The following PCDH9 variants were observed in gnomAD, a reference collection of about 807,000 sequenced individuals.
PCDH9 encodes the protein protocadherin 9.
Under a neutral mutation model 70.6 loss-of-function variants are expected in PCDH9, and 24 were observed. The observed-to-expected ratio is 0.34, with a 90% CI of 0.25 to 0.48. The LOEUF (loss-of-function observed/expected upper bound fraction) is 0.48, where lower values mean the gene tolerates loss of function less well. Ranked by LOEUF, PCDH9 falls within the 20% of genes least tolerant of loss-of-function variation. The pLI is 0.99. For synonymous variants in PCDH9, 562 were observed against 558.5 expected, an observed-to-expected ratio of 1.01 and a Z score of -0.09; for missense variants, 1,281 against 1,503.6, an observed-to-expected ratio of 0.85 and a Z score of 2.45.
intron 2 of PCDH9, among the ~76,000 whole-genome samples, chr13:67,084,642 T>C (rs1245659584): frequency 6.6e-6 from 1 of 151,822 alleles, no homozygotes; most frequent in Non-Finnish European, 1.5e-5. Context: ...CCAATATTAC[T>C]GCACCTGGTA....
At chr13:66,655,038 T>A (rs533960621) in intron 3 of PCDH9, among the ~76,000 whole-genome samples, 30 of 152,124 alleles carry the variant, frequency 2.0e-4, no homozygotes, top group African/African-American at 4.6e-4. Context: ...ATTTTTTTTT[T>A]AAATAATTAA....
chr13:66,771,765 A>G (rs2079811230), intron 3 of PCDH9, among the ~76,000 whole-genome samples: 1 of 152,232 alleles, frequency 6.6e-6, no homozygotes, highest in Non-Finnish European at 1.5e-5. Context: ...CTCAATTCTC[A>G]GTTTTCCAAT....
chr13:66,373,513 T>G (rs1453457014), intron 4 of PCDH9, among the ~76,000 whole-genome samples: 1 of 151,918 alleles, frequency 6.6e-6, no homozygotes, highest in African/African-American at 2.4e-5. Context: ...TTATTGCAAC[T>G]AAATTTTTTA....
chr13:66,364,947 A>G (rs892939016), intron 4 of PCDH9, among the ~76,000 whole-genome samples: 1 of 152,174 alleles, frequency 6.6e-6, no homozygotes, highest in African/African-American at 2.4e-5. Context: ...CTCAGAAGGT[A>G]TTTCTTACAA....
intron 4 of PCDH9, among the ~76,000 whole-genome samples, chr13:66,356,251 T>G (rs910572874): frequency 1.3e-5 from 2 of 152,160 alleles, no homozygotes; most frequent in African/African-American, 4.8e-5. Context: ...TAAAATGGAA[T>G]GCCAATTAAG....
At chr13:66,361,603 T>C (rs1252520398) in intron 4 of PCDH9, among the ~76,000 whole-genome samples, 2 of 152,032 alleles carry the variant, frequency 1.3e-5, no homozygotes, top group African/African-American at 2.4e-5. Context: ...GAAATTGAGC[T>C]CCTGAAATAA....
intron 2 of PCDH9, among the ~76,000 whole-genome samples, chr13:67,141,894 G>A (rs2087401169): frequency 6.6e-6 from 1 of 151,992 alleles, no homozygotes. Flanking sequence ...CATCCATTCT[G>A]CATCAATAAC....
chr13:66,401,972 C>T (rs756516201), intron 4 of PCDH9, among the ~76,000 whole-genome samples: 5 of 152,150 alleles, frequency 3.3e-5, no homozygotes, highest in Non-Finnish European at 4.4e-5. Flanking sequence ...GTCTTTGTTC[C>T]ACTTGATATT....
At position 66,849,439 on chromosome 13, in the gene PCDH9, T is replaced by A. The variant is rs192760480; in HGVS notation, c.3138+54065A>T. Among the ~76,000 whole-genome samples, 417 of 149,932 alleles carry A rather than the reference T, an allele frequency of 2.8e-3. 2 individuals carry two copies. The highest frequency in any genetic ancestry group is 9.5e-3 in the African/African-American group (387 of 40,664). On this transcript the variant is annotated intron_variant, in intron 3 of 4. Coordinates refer to ENST00000377865, the MANE Select transcript of PCDH9 (RefSeq NM_203487.3). ...ATATATATGAAAATATATGACTATATATGACTATATATGACAATATATGAC... is the reference window on the plus strand; with the variant it reads ...ATATATATGAAAATATATGACTATAAATGACTATATATGACAATATATGAC...
chr13:66,526,573 T>C (rs1960227707), intron 4 of PCDH9, among the ~76,000 whole-genome samples: 2 of 151,962 alleles, frequency 1.3e-5, no homozygotes, highest in South Asian at 4.2e-4. Flanking sequence ...CACAATTCCC[T>C]GTAGATCACA....
chr13:66,656,646 G>A (rs531885589), intron 3 of PCDH9, among the ~76,000 whole-genome samples: 2 of 152,016 alleles, frequency 1.3e-5, no homozygotes, highest in South Asian at 4.2e-4. Context: ...GGGGTGGGGG[G>A]GCGGTTAAAA....
intron 2 of PCDH9, chr13:67,209,954 T>A (rs1201804394): frequency 6.6e-6 from 1 of 152,082 alleles, no homozygotes; most frequent in Non-Finnish European, 1.5e-5. Flanking sequence ...ACCATTTGAT[T>A]AAATTTGCTT....
At chr13:66,434,559 T>A (rs1226881301) in intron 4 of PCDH9, among the ~76,000 whole-genome samples, 1 of 152,044 alleles carries the variant, frequency 6.6e-6, no homozygotes, top group East Asian at 1.9e-4. Flanking sequence ...TAATGGATGA[T>A]CAATGCTTGT....
intron 4 of PCDH9, among the ~76,000 whole-genome samples, chr13:66,601,181 T>C (rs1020229122): frequency 6.9e-6 from 1 of 145,978 alleles, no homozygotes; most frequent in Non-Finnish European, 1.5e-5. Flanking sequence ...CTAGATCTAA[T>C]AACATCTAGA....
At chr13:67,190,232 T>C (rs1441038040) in intron 2 of PCDH9, among the ~76,000 whole-genome samples, 1 of 152,002 alleles carries the variant, frequency 6.6e-6, no homozygotes, top group Non-Finnish European at 1.5e-5. Flanking sequence ...GTTCATCTTA[T>C]TATACTATGG....
intron 4 of PCDH9, among the ~76,000 whole-genome samples, chr13:66,594,568 A>G (rs1240282236): frequency 6.6e-6 from 1 of 151,090 alleles, no homozygotes; most frequent in African/African-American, 2.4e-5. Flanking sequence ...TTAAAAAGGT[A>G]AACATGTGCC....
intron 3 of PCDH9, among the ~76,000 whole-genome samples, chr13:66,756,647 T>TA (rs2079542075): frequency 6.6e-6 from 1 of 152,114 alleles, no homozygotes; most frequent in Admixed American, 6.6e-5. Context: ...CTGAGCCTCA[T>TA]ACTTTTTTCA....
intron 3 of PCDH9, among the ~76,000 whole-genome samples, chr13:66,643,037 G>A (rs1234928494): frequency 1.3e-5 from 2 of 151,892 alleles, no homozygotes; most frequent in Non-Finnish European, 2.9e-5. Flanking sequence ...AAGCGGTTTT[G>A]AATCATAGAA....
chr13:66,375,291 G>A (rs1956728579), intron 4 of PCDH9, among the ~76,000 whole-genome samples: 1 of 151,936 alleles, frequency 6.6e-6, no homozygotes, highest in South Asian at 2.1e-4. Flanking sequence ...GTAAAACTTA[G>A]CAACCTGGAA....
Sources: gnomAD v4.1 joint callset for allele counts (sites outside exome capture counted in the v4.1 genomes callset) on GRCh38, gnomAD v4.1.1 for gene constraint, MANE v1.5 for transcripts, NCBI Gene and HGNC (gene_info 2026-07-23, HGNC 2026-07-21) for gene names.